Variants in USP24 observed in about 807,000 individuals in gnomAD.
USP24 encodes the protein ubiquitin carboxyl-terminal hydrolase 24.
USP24 carries 97 observed loss-of-function variants against 361.6 expected under a neutral mutation model. That is an observed-to-expected ratio of 0.27 (90% CI 0.23 to 0.32). USP24 has a LOEUF of 0.32. USP24 is among the 10% of genes least tolerant of loss of function. The pLI, the probability that USP24 is intolerant of heterozygous loss-of-function variation, is 1.00. For missense variants in USP24, 2,353 were observed against 3,165.6 expected (o/e 0.74, Z 6.16); for synonymous variants, 1,098 against 1,124.6 (o/e 0.98, Z 0.47).
At chr1:55,167,302 C>T (rs1354636008) in intron 5 of USP24, among the ~76,000 whole-genome samples, 1 of 152,110 alleles carries the variant, frequency 6.6e-6, no homozygotes, top group East Asian at 1.9e-4. Flanking sequence ...AAGGACAAGA[C>T]AGATGTAGCC....
In USP24 at chr1:55,071,928, C is replaced by A. The variant is rs756540133; in HGVS notation, c.7690-4G>T. On this transcript the variant is annotated splice_region_variant and splice_polypyrimidine_tract_variant and intron_variant, in intron 66 of 67. Coordinates refer to ENST00000294383, the MANE Select transcript of USP24 (RefSeq NM_015306.3). Reference sequence around the variant, plus strand: ...CTGTGGCATACGCTAACGTGTCCTGCAGAAGATTCAAACACAAGACGACAA... The same window carrying A: ...CTGTGGCATACGCTAACGTGTCCTGAAGAAGATTCAAACACAAGACGACAA... 6.2e-7 allele frequency: 1 copy of A among 1,602,782 alleles called. No individual in the cohort carries two copies. The highest frequency in any genetic ancestry group is 1.1e-5 in the South Asian group (1 of 88,924).
chr1:55,087,096 TAA>T (rs1460601136), intron 55 of USP24, among the ~76,000 whole-genome samples: 4 of 152,230 alleles, frequency 2.6e-5, no homozygotes, highest in South Asian at 2.1e-4. Context: ...TCTTCATGTT[TAA>T]AGTTACTAAA....
chr1:55,192,551 C>G (rs564221769), intron 1 of USP24, among the ~76,000 whole-genome samples: 5 of 152,262 alleles, frequency 3.3e-5, no homozygotes, highest in Admixed American at 6.5e-5. Flanking sequence ...TTATAATAAA[C>G]AATTAGAAAC....
intron 46 of USP24, among the ~76,000 whole-genome samples, 170 bp from the exon 47 acceptor site, chr1:55,098,254 C>A (rs562751032): frequency 1.7e-4 from 26 of 152,248 alleles, no homozygotes; most frequent in African/African-American, 2.9e-4. Flanking sequence ...TTAAGAATTG[C>A]CTAAAATTAT....
At chr1:55,154,496 T>C in intron 13 of USP24, 30 bp from the exon 14 acceptor site, 1 of 1,543,434 alleles carries the variant, frequency 6.5e-7, no homozygotes. Flanking sequence ...CAGGAATTGC[T>C]TCACGATCAA....
intron 30 of USP24, 71 bp from the exon 31 acceptor site, chr1:55,132,771 C>G: frequency 6.9e-7 from 1 of 1,443,042 alleles, no homozygotes; most frequent in Non-Finnish European, 9.3e-7. Flanking sequence ...GATCTTAGTA[C>G]ACGTCCTAAT....
At chr1:55,074,635 AAAATAAATAAATAAATAAAT>A (rs143014800) in intron 63 of USP24, among the ~76,000 whole-genome samples, 22 of 138,952 alleles carry the variant, frequency 1.6e-4, no homozygotes, top group South Asian at 4.7e-4. Context: ...CCCTGTCTCA[AAAATAAATAAATAAATAAAT>A]AAATAAATAA....
chr1:55,133,118 T>C (rs1646637930), intron 30 of USP24, among the ~76,000 whole-genome samples: 1 of 152,212 alleles, frequency 6.6e-6, no homozygotes, highest in Non-Finnish European at 1.5e-5. Context: ...AATTAGTGTA[T>C]AAGCAATAAA....
At chr1:55,079,145 T>TG (rs1236545992) in intron 60 of USP24, among the ~76,000 whole-genome samples, 1 of 152,112 alleles carries the variant, frequency 6.6e-6, no homozygotes, top group African/African-American at 2.4e-5. Context: ...GGCACCATGA[T>TG]GGAGAGCTGA....
intron 38 of USP24, among the ~76,000 whole-genome samples, chr1:55,112,941 G>T (rs1645996721): frequency 6.6e-6 from 1 of 151,994 alleles, no homozygotes; most frequent in Admixed American, 6.6e-5. Flanking sequence ...TATGAATCTG[G>T]GTGCTCCTGT....
chr1:55,137,750 CTAAA>C, intron 27 of USP24, 52 bp downstream of exon 27: 1 of 1,553,278 alleles, frequency 6.4e-7, no homozygotes, highest in South Asian at 1.2e-5. Flanking sequence ...TCATATCAGG[CTAAA>C]TATTTATATT....
At chr1:55,138,330 C>T (rs963700504) in intron 26 of USP24, among the ~76,000 whole-genome samples, 21 of 152,120 alleles carry the variant, frequency 1.4e-4, no homozygotes, top group African/African-American at 4.3e-4. Flanking sequence ...CCATCTTTAC[C>T]TAAAATATTT....
intron 45 of USP24, 128 bp downstream of exon 45, chr1:55,099,643 T>C (rs1645582398): frequency 1.8e-5 from 12 of 682,234 alleles, no homozygotes; most frequent in South Asian, 5.0e-5. Flanking sequence ...GAATACATTA[T>C]AGTTCTTATG....
At chr1:55,183,578 A>G (rs914606404) in intron 1 of USP24, among the ~76,000 whole-genome samples, 2 of 152,244 alleles carry the variant, frequency 1.3e-5, no homozygotes, top group African/African-American at 4.8e-5. Context: ...TATAAAACAC[A>G]GGAGTAATGG....
At position 55,132,642 on chromosome 1, in the gene USP24, T is replaced by C; in HGVS notation, c.3440A>G (p.Lys1147Arg). Reference sequence around the variant, plus strand: ...ACTGGCACTTGGCTGGTGCTGTTGCTTTGATGACAGGGATGGAGATTTTGA... The same window carrying C: ...ACTGGCACTTGGCTGGTGCTGTTGCCTTGATGACAGGGATGGAGATTTTGA... The part of the protein sequence containing the change: ...QSSKSPSLSS[K>R]QQHQPSASSI... The change falls in exon 31 of 68, where the codon AAG (lysine) becomes AGG (arginine). Residue 1147 changes from lysine to arginine, a missense_variant. Transcript: ENST00000294383. 6.2e-7 allele frequency: 1 copy of C among 1,613,786 alleles called. No individual in the cohort carries two copies. The highest frequency in any genetic ancestry group is 1.1e-5 in the South Asian group (1 of 91,082).
Position 55,153,767 on chromosome 1 carries a change from GAA to G in USP24, c.1860+101_1860+102del. The stretch of plus-strand genomic sequence containing the variant: ...ACATCAAGTTTAATATGAACATTAA[GAA>G]ACACTAAAACATACTATTATTTTAA... On this transcript the variant is annotated intron_variant, in intron 16 of 67. Coordinates refer to ENST00000294383, the MANE Select transcript of USP24 (RefSeq NM_015306.3). The G allele has an allele frequency of 6.5e-6, 8 of 1,232,684 alleles. No homozygotes were observed. The South Asian group carries it at 1.1e-4, about 18-fold the overall frequency. 76.4% of individuals were successfully genotyped at this position (1,232,684 alleles called of 1,614,324 possible). A position where few individuals can be genotyped will look rare whatever the true frequency, so the allele number is the denominator to read the frequency against.
intron 3 of USP24, among the ~76,000 whole-genome samples, chr1:55,175,671 GA>G (rs2100815967): frequency 6.6e-6 from 1 of 152,306 alleles, no homozygotes; most frequent in African/African-American, 2.4e-5. Flanking sequence ...CTCTTTCTAT[GA>G]GCTAGGCACT....
At chr1:55,099,724 ATAAT>A (rs1391052610) in intron 45 of USP24, 43 bp downstream of exon 45, 20 of 1,308,466 alleles carry the variant, frequency 1.5e-5, no homozygotes, top group Non-Finnish European at 1.9e-5. Flanking sequence ...TTCTCATACT[ATAAT>A]TAGAGTTTGA....
At chr1:55,110,378 C>T (rs1570429718) in intron 38 of USP24, 132 bp from the exon 39 acceptor site, 2 of 648,588 alleles carry the variant, frequency 3.1e-6, no homozygotes, top group East Asian at 5.8e-5. Flanking sequence ...TTTATATTAA[C>T]TCAAATTCCA....
Sources: gnomAD v4.1 joint callset for allele counts (sites outside exome capture counted in the v4.1 genomes callset) on GRCh38, gnomAD v4.1.1 for gene constraint, MANE v1.5 for transcripts, NCBI Gene and HGNC (gene_info 2026-07-23, HGNC 2026-07-21) for gene names.